The following SP100 variants were observed in gnomAD, a reference collection of about 807,000 sequenced individuals.
The protein encoded by SP100 is nuclear autoantigen Sp-100.
A neutral mutation model predicts 130.0 loss-of-function variants in SP100; 84 were observed. That is an observed-to-expected ratio of 0.65 (90% CI 0.54 to 0.77). The LOEUF (loss-of-function observed/expected upper bound fraction) is 0.77, where lower values mean the gene tolerates loss of function less well. Ranked by LOEUF, SP100 falls within the 30% of genes least tolerant of loss-of-function variation. The pLI is 0.00. For missense variants in SP100, 978 were observed against 1,052.2 expected, an observed-to-expected ratio of 0.93 and a Z score of 0.97; for synonymous variants, 331 against 351.7, an observed-to-expected ratio of 0.94 and a Z score of 0.66.
At chr2:230,454,302 T>C (rs1295789742) in intron 8 of SP100, among the ~76,000 whole-genome samples, 2 of 152,164 alleles carry the variant, frequency 1.3e-5, no homozygotes, top group Non-Finnish European at 2.9e-5. Context: ...TGATCTGATA[T>C]TTATTGTTTC....
chr2:230,465,034 G>C (rs139178349), intron 11 of SP100, among the ~76,000 whole-genome samples: 286 of 152,260 alleles, frequency 1.9e-3, no homozygotes, highest in African/African-American at 6.5e-3. Flanking sequence ...TTAGGAGTTC[G>C]AGACCATCCT....
chr2:230,499,821 G>A (rs1251760688), intron 19 of SP100, among the ~76,000 whole-genome samples: 1 of 152,058 alleles, frequency 6.6e-6, no homozygotes, highest in African/African-American at 2.4e-5. Context: ...CCCAGGGACG[G>A]AGGTCCATCT....
chr2:230,498,312 G>A (rs1365187422), intron 18 of SP100, 149 bp from the exon 19 acceptor site: 1 of 396,826 alleles, frequency 2.5e-6, no homozygotes, highest in Admixed American at 4.6e-5. Context: ...ACCATCAAAG[G>A]CTTGGTAATT....
At chr2:230,505,287 T>C (rs1436506288) in intron 21 of SP100, among the ~76,000 whole-genome samples, 1 of 152,166 alleles carries the variant, frequency 6.6e-6, no homozygotes, top group East Asian at 1.9e-4. Flanking sequence ...GACATCCAAC[T>C]AGCACCCACT....
At chr2:230,494,674 G>A (rs1432828914) in intron 18 of SP100, among the ~76,000 whole-genome samples, 1 of 152,220 alleles carries the variant, frequency 6.6e-6, no homozygotes, top group Non-Finnish European at 1.5e-5. Flanking sequence ...GAAGTGGTAG[G>A]CAGTCTGCCT....
intron 24 of SP100, chr2:230,515,097 G>A (rs1164239035): frequency 6.2e-7 from 1 of 1,612,618 alleles, no homozygotes; most frequent in East Asian, 2.2e-5. Context: ...CTTGTCAGGA[G>A]GAGCATAAGA....
chr2:230,508,917 CCACACACA>C (rs56380956), intron 23 of SP100: 3,753 of 145,764 alleles, frequency 0.026, 67 homozygotes, highest in Non-Finnish European at 0.033. Flanking sequence ...TTTACCTCCA[CCACACACA>C]CACACACACA....
intron 13 of SP100, among the ~76,000 whole-genome samples, chr2:230,467,604 G>A (rs2065028101): frequency 6.6e-6 from 1 of 152,192 alleles, no homozygotes. Context: ...GAGAGCTTCT[G>A]CTGGGAAACT....
At chr2:230,519,118 T>C (rs1195116504) in intron 24 of SP100, among the ~76,000 whole-genome samples, 1 of 152,248 alleles carries the variant, frequency 6.6e-6, no homozygotes, top group African/African-American at 2.4e-5. Context: ...AACATTTATA[T>C]CTCAAAGCAC....
rs182395957 is a variant in SP100 at position 230,506,274 on chromosome 2, G to A, written c.1871-29G>A. 22 of 1,611,800 alleles carry A rather than the reference G, an allele frequency of 1.4e-5. No homozygotes were observed. In the East Asian group the frequency reaches 4.0e-4, roughly 29 times the overall value. ...GCCAAGTTCAGGTGTTTTCACAGTT[G>A]GGGAGCTCACTTTGCCTTGGTCTTA... On this transcript the variant is annotated intron_variant, in intron 21 of 28. Coordinates refer to ENST00000340126, the MANE Select transcript of SP100 (RefSeq NM_001080391.2).
At chr2:230,469,644 G>A in intron 14 of SP100, 1 of 674,502 alleles carries the variant, frequency 1.5e-6, no homozygotes, top group Non-Finnish European at 2.2e-6. Context: ...GACAGAATAG[G>A]GTAGGAAAAG....
chr2:230,436,568 G>A lies in SP100; in HGVS notation c.108-6369G>A, dbSNP rs527444183. Among the ~76,000 whole-genome samples, 249 of 152,234 alleles carry A rather than the reference G, an allele frequency of 1.6e-3. 1 individual carries two copies. Among genetic ancestry groups the A allele is most frequent in the Admixed American group, 3.4e-3 (52 of 15,288 alleles). ...TTGGTTCCCCTTCGCCTTCCACCAT[G>A]ATTGTAAGTTTCTTGAGGCCTATCC... On this transcript the variant is annotated intron_variant, in intron 2 of 28. Transcript: ENST00000340126.
intron 26 of SP100, 126 bp downstream of exon 26, chr2:230,541,122 C>G: frequency 4.6e-6 from 6 of 1,301,332 alleles, no homozygotes; most frequent in Non-Finnish European, 6.4e-6. Context: ...GTGCTTTGCT[C>G]CATGACCTAA....
rs114102284 is a variant in SP100, at chr2:230,422,897, G to A, written c.107+5232G>A. ...ATTTTGTTGTGGGATTTTACCTCAC[G>A]TGTTTATAAGCAACTTTGTGACCTA... On this transcript the variant is annotated intron_variant, in intron 2 of 28. Coordinates refer to ENST00000340126, the MANE Select transcript of SP100 (RefSeq NM_001080391.2). Among the ~76,000 whole-genome samples, 933 of 152,234 alleles carry A rather than the reference G, an allele frequency of 6.1e-3. 5 individuals carry two copies. Among genetic ancestry groups the A allele is most frequent in the African/African-American group, 0.021 (886 of 41,516 alleles).
At position 230,522,410 on chromosome 2, in the gene SP100, T is replaced by C. The variant is rs557897021; in HGVS notation, c.2094+11244T>C. 2.6e-5 allele frequency among the ~76,000 whole-genome samples: 4 copies of C among 151,598 alleles called. No homozygotes were observed. In the South Asian group the frequency reaches 8.3e-4, roughly 32 times the overall value. On this transcript the variant is annotated intron_variant, in intron 24 of 28. Transcript: ENST00000340126. Reference sequence around the variant, plus strand: ...ATGTATCCAGGCTTTTAAGCTGCTGTTCTAAACAGAGTTGGGCCTGGTTAG... The same window carrying C: ...ATGTATCCAGGCTTTTAAGCTGCTGCTCTAAACAGAGTTGGGCCTGGTTAG...
chr2:230,508,059 G>C (rs769594385), intron 23 of SP100, 28 bp downstream of exon 23: 3 of 1,612,316 alleles, frequency 1.9e-6, no homozygotes. Flanking sequence ...TTCTGCCAAT[G>C]TCTCGTCTAT....
At chr2:230,505,925 C>A (rs188209227) in intron 21 of SP100, among the ~76,000 whole-genome samples, 7 of 152,258 alleles carry the variant, frequency 4.6e-5, no homozygotes, top group African/African-American at 1.4e-4. Context: ...TGCCTTCATC[C>A]ACCTCTCTGA....
chr2:230,427,926 C>T (rs1187783226), intron 2 of SP100, among the ~76,000 whole-genome samples: 1 of 152,150 alleles, frequency 6.6e-6, no homozygotes, highest in Non-Finnish European at 1.5e-5. Flanking sequence ...TACATTCTCA[C>T]ACTGCTCTAA....
rs540442195 is a variant in SP100 at position 230,525,603 on chromosome 2, C to A, written c.2095-13664C>A. Among the ~76,000 whole-genome samples, 4 of 152,264 alleles carry A rather than the reference C, an allele frequency of 2.6e-5. No individual in the cohort carries two copies. In the East Asian group the frequency reaches 7.7e-4, roughly 29 times the overall value. ...CTACAGAGGGCAAGCTGAAGCAGGG[C>A]AGGGCATCACCTCACCCAGGAAGCA... On this transcript the variant is annotated intron_variant, in intron 24 of 28. Coordinates refer to ENST00000340126, the MANE Select transcript of SP100 (RefSeq NM_001080391.2).
Sources: allele counts gnomAD v4.1 joint callset (sites outside exome capture counted in the v4.1 genomes callset), GRCh38; gene constraint gnomAD v4.1.1; transcripts MANE v1.5; gene names NCBI Gene and HGNC (gene_info 2026-07-23, HGNC 2026-07-21).